DDX46: variants seen among roughly 807,000 people sequenced by gnomAD.
DDX46 encodes the protein probable ATP-dependent RNA helicase DDX46.
In DDX46, 30 loss-of-function variants were observed where a neutral mutation model predicts 134.9. The observed-to-expected ratio is 0.22, with a 90% CI of 0.17 to 0.30. The LOEUF (loss-of-function observed/expected upper bound fraction) is 0.30, where lower values mean the gene tolerates loss of function less well. DDX46 is among the 10% of genes least tolerant of loss of function. The pLI is 1.00. For synonymous variants in DDX46, 415 were observed against 404.1 expected, an observed-to-expected ratio of 1.03 and a Z score of -0.32; for missense variants, 622 against 1,248.7, an observed-to-expected ratio of 0.50 and a Z score of 7.56.
rs1755313984 is a variant in DDX46 at position 134,817,426 on chromosome 5, A to G, written c.2614-70A>G. 2.8e-6 allele frequency: 4 copies of G among 1,443,632 alleles called. No homozygotes were observed. The Admixed American group carries it at 7.2e-5, about 26-fold the overall frequency. 89.4% of individuals were successfully genotyped at this position (1,443,632 alleles called of 1,614,324 possible). A position where few individuals can be genotyped will look rare whatever the true frequency, so the allele number is the denominator to read the frequency against. On this transcript the variant is annotated intron_variant, in intron 19 of 22. Coordinates refer to ENST00000452510, the MANE Select transcript of DDX46 (RefSeq NM_001300860.2). ...AAAGTTAGTAGCTTTTCAGAGAATA[A>G]TTTGTGGTGTGGTCCCTACTCTTGT...
At chr5:134,801,175 G>A (rs771667965) in intron 15 of DDX46, among the ~76,000 whole-genome samples, 2 of 152,064 alleles carry the variant, frequency 1.3e-5, no homozygotes, top group Non-Finnish European at 2.9e-5. Context: ...GGAGGCTGAG[G>A]TGGGAGGGAG....
chr5:134,780,588 AAAT>A (rs1244808522), intron 6 of DDX46: 70 of 149,452 alleles, frequency 4.7e-4, no homozygotes, highest in African/African-American at 1.7e-3. Flanking sequence ...ATAAATAAAT[AAAT>A]AAATAAATAA....
intron 21 of DDX46, among the ~76,000 whole-genome samples, chr5:134,822,726 C>G (rs1755490477): frequency 6.6e-6 from 1 of 152,076 alleles, no homozygotes; most frequent in African/African-American, 2.4e-5. Context: ...CAGGTGTATG[C>G]CACTATGTCC....
At chr5:134,790,263 T>C in intron 12 of DDX46, 1 of 633,254 alleles carries the variant, frequency 1.6e-6, no homozygotes, top group Non-Finnish European at 2.9e-6. Flanking sequence ...GGGCCTCATA[T>C]ACCCATTGTC....
At chr5:134,784,263 T>C in intron 9 of DDX46, 103 bp from the exon 10 acceptor site, 1 of 1,204,382 alleles carries the variant, frequency 8.3e-7, no homozygotes, top group South Asian at 1.6e-5. Context: ...TTGTATGATA[T>C]ATACCACCTT....
At chr5:134,822,164 C>T (rs1755474428) in intron 21 of DDX46, among the ~76,000 whole-genome samples, 2 of 152,180 alleles carry the variant, frequency 1.3e-5, no homozygotes, top group Admixed American at 1.3e-4. Context: ...CAGGCCTGGG[C>T]CACCGTGCCC....
chr5:134,817,723 C>T lies in DDX46; in HGVS notation c.2832+9C>T. On this transcript the variant is annotated intron_variant, in intron 20 of 22. Coordinates refer to ENST00000452510, the MANE Select transcript of DDX46 (RefSeq NM_001300860.2). ...TCAATGACTTCCCACAGGCAAGTAA[C>T]AGGTTTAAACCTTTTTTTATTGTGA... The T allele has an allele frequency of 6.2e-7, 1 of 1,610,432 alleles. No individual in the cohort carries two copies. The highest frequency in any genetic ancestry group is 8.5e-7 in the Non-Finnish European group (1 of 1,177,960).
intron 22 of DDX46, among the ~76,000 whole-genome samples, chr5:134,827,226 C>G: frequency 6.6e-6 from 1 of 151,992 alleles, no homozygotes; most frequent in East Asian, 1.9e-4. Flanking sequence ...ATTCTTGTCA[C>G]TATTCATCTC....
In DDX46 at chr5:134,828,359, G is replaced by A. The variant is rs75379935; in HGVS notation, c.3052-300G>A. Among the ~76,000 whole-genome samples, 1,121 of 152,296 alleles carry A rather than the reference G, an allele frequency of 7.4e-3. 12 individuals are homozygous for A. Among genetic ancestry groups the A allele is most frequent in the African/African-American group, 0.026 (1,066 of 41,564 alleles). On this transcript the variant is annotated intron_variant, in intron 22 of 22. Transcript: ENST00000452510. ...GTGCTTAATACTATTTCACCAAGGA[G>A]TGGTCGAAAAGAATCTTGTGCCCAT...
intron 5 of DDX46, among the ~76,000 whole-genome samples, chr5:134,777,159 A>T (rs1166998764): frequency 6.6e-6 from 1 of 152,174 alleles, no homozygotes; most frequent in Non-Finnish European, 1.5e-5. Context: ...CGGAGCTTGC[A>T]GTGAGCTGAG....
At chr5:134,803,592 C>T (rs1417680688) in intron 15 of DDX46, among the ~76,000 whole-genome samples, 1 of 152,164 alleles carries the variant, frequency 6.6e-6, no homozygotes. Flanking sequence ...TAAATAGAAT[C>T]CTCTACACTT....
chr5:134,759,049 C>A, intron 1 of DDX46, 94 bp downstream of exon 1: 2 of 1,551,412 alleles, frequency 1.3e-6, no homozygotes, highest in Admixed American at 1.8e-5. Context: ...CCAGGCCTGG[C>A]GCGGCCCCAC....
rs548849384 is a variant in DDX46, at chr5:134,788,723, C to T, written c.1543+132C>T. The T allele has an allele frequency of 2.1e-5, 16 of 761,050 alleles. No homozygotes were observed. The African/African-American group carries it at 2.7e-4, about 13-fold the overall frequency. 47.1% of individuals were successfully genotyped at this position (761,050 alleles called of 1,614,324 possible). On this transcript the variant is annotated intron_variant, in intron 12 of 22. Transcript: ENST00000452510. ...AGCTGCAGTATCTTAAAATTTGTAG[C>T]CTGTAGTCCCAGCTACTTGGGAGGC...
intron 10 of DDX46, 31 bp from the exon 11 acceptor site, chr5:134,785,434 G>A (rs368170250): frequency 1.3e-4 from 215 of 1,601,678 alleles, no homozygotes; most frequent in Non-Finnish European, 1.7e-4. Flanking sequence ...GAATTTTGGT[G>A]GTTAGGCTAC....
At chr5:134,786,597 C>T (rs1287186150) in intron 11 of DDX46, among the ~76,000 whole-genome samples, 5 of 152,128 alleles carry the variant, frequency 3.3e-5, no homozygotes, top group African/African-American at 7.2e-5. Context: ...GTAATCCCAG[C>T]GCTTTGAGAG....
rs187849323 is a variant in DDX46, at chr5:134,774,192, A to G, written c.613+331A>G. Among the ~76,000 whole-genome samples, 13 of 152,296 alleles carry G rather than the reference A, an allele frequency of 8.5e-5. No individual in the cohort carries two copies. The East Asian group carries it at 2.5e-3, about 29-fold the overall frequency. The stretch of plus-strand genomic sequence containing the variant: ...TTTGTTTAGTCTAGCTACCTCACAT[A>G]AGTGGAATCATAATACATATTTGTC... On this transcript the variant is annotated intron_variant, in intron 5 of 22. Transcript: ENST00000452510.
intron 18 of DDX46, among the ~76,000 whole-genome samples, chr5:134,814,121 T>A (rs1755223157): frequency 6.6e-6 from 1 of 152,240 alleles, no homozygotes; most frequent in Non-Finnish European, 1.5e-5. Flanking sequence ...CACATTCATA[T>A]AACTTTTATT....
chr5:134,774,353 C>A (rs1276778008), intron 5 of DDX46, among the ~76,000 whole-genome samples: 2 of 151,956 alleles, frequency 1.3e-5, no homozygotes, highest in Non-Finnish European at 2.9e-5. Context: ...TTTGTTCATT[C>A]ACCTGCCATT....
intron 8 of DDX46, 64 bp from the exon 9 acceptor site, chr5:134,782,881 T>C: frequency 6.4e-7 from 1 of 1,571,008 alleles, no homozygotes; most frequent in Non-Finnish European, 8.6e-7. Flanking sequence ...TATGCCTAAT[T>C]GAAAAGTAGA....
Sources: allele counts gnomAD v4.1 joint callset (sites outside exome capture counted in the v4.1 genomes callset), GRCh38; gene constraint gnomAD v4.1.1; transcripts MANE v1.5; gene names NCBI Gene and HGNC (gene_info 2026-07-23, HGNC 2026-07-21).